The following HDX variants were observed in gnomAD, a reference collection of about 807,000 sequenced individuals.
HDX encodes chromosome X open reading frame 43.
In HDX, 19 loss-of-function variants were observed where a neutral mutation model predicts 45.2. The ratio of observed to expected loss-of-function variants is 0.42; its 90% CI spans 0.29 to 0.62. The LOEUF (loss-of-function observed/expected upper bound fraction) is 0.62. HDX is among the 20% of genes least tolerant of loss of function. The pLI is 0.20. For missense variants in HDX, 532 were observed against 493.9 expected (o/e 1.08, Z -0.73); for synonymous variants, 188 against 172.8 (o/e 1.09, Z -0.69).
chrX:84,491,771 T>G, intron 1 of HDX, among the ~76,000 whole-genome samples: 1 of 111,590 alleles, frequency 9.0e-6, no homozygotes, highest in Non-Finnish European at 1.9e-5. Flanking sequence ...GCTCCATTAC[T>G]CAGGCAATAC....
intron 6 of HDX, among the ~76,000 whole-genome samples, chrX:84,357,540 A>AAGTT (rs921547490): frequency 3.2e-4 from 36 of 112,025 alleles, no homozygotes; most frequent in African/African-American, 1.2e-3. Context: ...AAGCTGACCA[A>AAGTT]AGTTATAGGA....
intron 5 of HDX, among the ~76,000 whole-genome samples, chrX:84,433,716 C>T (rs1214614337): frequency 9.0e-6 from 1 of 110,969 alleles, no homozygotes; most frequent in Admixed American, 9.6e-5. Context: ...TTTCTATTTC[C>T]ATAAAACATT....
rs773174578 is a variant in HDX at position 84,406,671 on chromosome X, A to G, written c.1305+33861T>C. ...TGAGATTATTATGTCAAAATTAATA[A>G]CAAAGTAGACTAAAGACCACTAAGG... On this transcript the variant is annotated intron_variant, in intron 5 of 10. Coordinates refer to ENST00000373177, the MANE Select transcript of HDX (RefSeq NM_001177479.2). 2.8e-4 allele frequency among the ~76,000 whole-genome samples: 31 copies of G among 111,429 alleles called. No homozygotes were observed. In the Admixed American group the frequency reaches 2.9e-3, roughly 10 times the overall value.
At chrX:84,460,002 C>T (rs1310653049) in intron 4 of HDX, among the ~76,000 whole-genome samples, 1 of 111,346 alleles carries the variant, frequency 9.0e-6, no homozygotes, top group Non-Finnish European at 1.9e-5. Context: ...GCATCCAAAA[C>T]CTGAACAGAT....
chrX:84,410,263 C>A (rs1020146371), intron 5 of HDX, among the ~76,000 whole-genome samples: 32 of 110,530 alleles, frequency 2.9e-4, no homozygotes, highest in African/African-American at 1.0e-3. Flanking sequence ...CAGCTTTTCC[C>A]TATTCAGTGT....
At chrX:84,460,669 T>C (rs1051072831) in intron 4 of HDX, among the ~76,000 whole-genome samples, 2 of 111,617 alleles carry the variant, frequency 1.8e-5, no homozygotes, top group Non-Finnish European at 3.8e-5. Flanking sequence ...TCACCACTGT[T>C]ATTCAAAATA....
At chrX:84,478,235 A>G (rs2040598495) in intron 2 of HDX, among the ~76,000 whole-genome samples, 1 of 111,972 alleles carries the variant, frequency 8.9e-6, no homozygotes, top group Non-Finnish European at 1.9e-5. Context: ...CTCAGGTTTA[A>G]GATTCAGTAT....
rs755502776 is a variant in HDX, at chrX:84,321,871, T to C, written c.*18A>G. 1 of 1,182,773 alleles carries C rather than the reference T, an allele frequency of 8.5e-7. No homozygotes were observed. The highest frequency in any genetic ancestry group is 1.1e-6 in the Non-Finnish European group (1 of 877,345). ...TACGAAGCCAAAAGACTGTATCATA[T>C]ATTCCCTCCAACTGAAATCACAAAC... On this transcript the variant is annotated 3_prime_UTR_variant, in exon 11 of 11. Coordinates refer to ENST00000373177, the MANE Select transcript of HDX (RefSeq NM_001177479.2).
At chrX:84,363,022 A>G (rs2037659471) in intron 5 of HDX, among the ~76,000 whole-genome samples, 1 of 111,683 alleles carries the variant, frequency 9.0e-6, no homozygotes. Context: ...GCTTCTTCAT[A>G]AGATATATCA....
At chrX:84,374,692 T>A (rs1261067689) in intron 5 of HDX, among the ~76,000 whole-genome samples, 3 of 110,027 alleles carry the variant, frequency 2.7e-5, no homozygotes, top group Non-Finnish European at 5.7e-5. Flanking sequence ...GCTAGCCATA[T>A]GTAGAAAGCT....
intron 1 of HDX, among the ~76,000 whole-genome samples, chrX:84,495,720 G>A (rs1202019873): frequency 9.0e-6 from 1 of 111,594 alleles, no homozygotes; most frequent in Non-Finnish European, 1.9e-5. Flanking sequence ...GAGATCCAAA[G>A]ATAGATTTTG....
At chrX:84,481,273 G>T (rs1225679360) in intron 2 of HDX, among the ~76,000 whole-genome samples, 3 of 111,269 alleles carry the variant, frequency 2.7e-5, no homozygotes, top group African/African-American at 9.8e-5. Flanking sequence ...TGTTATTGAA[G>T]AACTAGCTTT....
At chrX:84,501,022 T>A (rs1376043079) in intron 1 of HDX, among the ~76,000 whole-genome samples, 2 of 110,996 alleles carry the variant, frequency 1.8e-5, no homozygotes, top group African/African-American at 6.6e-5. Context: ...GAGGAACGTG[T>A]GAGAAGGCTT....
At chrX:84,373,330 G>A (rs1281466573) in intron 5 of HDX, among the ~76,000 whole-genome samples, 1 of 110,846 alleles carries the variant, frequency 9.0e-6, no homozygotes, top group African/African-American at 3.3e-5. Flanking sequence ...ATTTGGTTCA[G>A]AGTCTTGGCA....
chrX:84,415,406 T>C (rs773445600), intron 5 of HDX, among the ~76,000 whole-genome samples: 1 of 111,816 alleles, frequency 8.9e-6, no homozygotes, highest in Admixed American at 9.5e-5. Context: ...GCATTTGTTG[T>C]TGGTAATGGT....
At chrX:84,365,631 A>T (rs2037731122) in intron 5 of HDX, among the ~76,000 whole-genome samples, 1 of 111,463 alleles carries the variant, frequency 9.0e-6, no homozygotes, top group South Asian at 3.8e-4. Flanking sequence ...GGTGCCCATG[A>T]TATAAAGAGC....
chrX:84,358,539 C>A (rs1044717500), intron 6 of HDX, among the ~76,000 whole-genome samples: 1 of 111,606 alleles, frequency 9.0e-6, no homozygotes, highest in Non-Finnish European at 1.9e-5. Flanking sequence ...GTCTAATGCA[C>A]TTCTCTCTCC....
intron 4 of HDX, among the ~76,000 whole-genome samples, chrX:84,457,001 A>T (rs2040125513): frequency 9.0e-6 from 1 of 111,652 alleles, no homozygotes; most frequent in African/African-American, 3.2e-5. Flanking sequence ...CACCAGACTT[A>T]ATCTGCACCA....
intron 6 of HDX, among the ~76,000 whole-genome samples, chrX:84,349,922 G>A (rs1027602387): frequency 1.8e-5 from 2 of 109,209 alleles, no homozygotes; most frequent in Non-Finnish European, 3.8e-5. Context: ...AACATGGGAG[G>A]GTAGAAGAGG....
Sources: gnomAD v4.1 joint callset for allele counts (sites outside exome capture counted in the v4.1 genomes callset) on GRCh38, gnomAD v4.1.1 for gene constraint, MANE v1.5 for transcripts, NCBI Gene and HGNC (gene_info 2026-07-23, HGNC 2026-07-21) for gene names.